CCDC148: variants seen among roughly 807,000 people sequenced by gnomAD.
CCDC148 encodes the protein coiled-coil domain containing 148, also known as coiled-coil domain-containing protein 148.
CCDC148 carries 89 observed loss-of-function variants against 85.7 expected under a neutral mutation model. The ratio of observed to expected loss-of-function variants is 1.04; its 90% CI spans 0.87 to 1.24. The LOEUF (loss-of-function observed/expected upper bound fraction) is 1.24. Ranked by LOEUF, CCDC148 falls within the 50% of genes most tolerant of loss-of-function variation. CCDC148 has a pLI of 0.00. For missense variants in CCDC148, 692 were observed against 671.7 expected, an observed-to-expected ratio of 1.03 and a Z score of -0.33; for synonymous variants, 230 against 213.9, an observed-to-expected ratio of 1.08 and a Z score of -0.66.
intron 10 of CCDC148, among the ~76,000 whole-genome samples, chr2:158,250,309 A>G (rs1483399929): frequency 6.6e-6 from 1 of 152,024 alleles, no homozygotes; most frequent in Non-Finnish European, 1.5e-5. Context: ...TCTAATAAAC[A>G]GCCAAGAAGT....
intron 9 of CCDC148, among the ~76,000 whole-genome samples, chr2:158,295,296 C>T (rs1157228848): frequency 6.6e-6 from 1 of 151,990 alleles, no homozygotes. Flanking sequence ...ACCAGAGGTA[C>T]AAGGAGGAAC....
intron 1 of CCDC148, among the ~76,000 whole-genome samples, chr2:158,388,906 GA>G (rs1408480040): frequency 6.6e-6 from 1 of 152,168 alleles, no homozygotes; most frequent in African/African-American, 2.4e-5. Flanking sequence ...AATATCATCT[GA>G]AAATATTAGT....
intron 10 of CCDC148, among the ~76,000 whole-genome samples, chr2:158,247,478 A>G (rs1180260149): frequency 1.3e-5 from 2 of 152,172 alleles, no homozygotes; most frequent in South Asian, 2.1e-4. Flanking sequence ...AGCACAGCCT[A>G]TACGAACAAA....
At chr2:158,438,683 C>CA (rs2105340130) in intron 1 of CCDC148, among the ~76,000 whole-genome samples, 1 of 152,234 alleles carries the variant, frequency 6.6e-6, no homozygotes, top group African/African-American at 2.4e-5. Flanking sequence ...TCAGAGTGAA[C>CA]AGGCAACCTA....
chr2:158,352,481 G>T (rs1005338119), intron 2 of CCDC148, among the ~76,000 whole-genome samples: 20 of 152,100 alleles, frequency 1.3e-4, no homozygotes, highest in Non-Finnish European at 2.4e-4. Flanking sequence ...TATCAGCAAC[G>T]GAAGATGAAA....
chr2:158,273,462 A>C (rs1018742093), intron 9 of CCDC148, among the ~76,000 whole-genome samples: 12 of 152,318 alleles, frequency 7.9e-5, no homozygotes, highest in Admixed American at 7.8e-4. Flanking sequence ...GGTGTAACAG[A>C]AGATACACTA....
chr2:158,222,887 T>A lies in CCDC148; in HGVS notation c.1252-2174A>T, dbSNP rs57121217. On this transcript the variant is annotated intron_variant, in intron 10 of 13. Transcript: ENST00000283233. ...CAGCTCCAGTCTACAGCTCCCAGGG[T>A]GAGCGAGGCAGAAGACGGGTGATTT... is the stretch of plus-strand genomic sequence containing the variant. Among the ~76,000 whole-genome samples the A allele has an allele frequency of 2.7e-3, 404 of 151,930 alleles. 3 individuals are homozygous for A. The highest frequency in any genetic ancestry group is 9.4e-3 in the African/African-American group (391 of 41,392).
chr2:158,424,943 C>A, intron 1 of CCDC148: 1 of 309,926 alleles, frequency 3.2e-6, no homozygotes. Flanking sequence ...CAAATTGGTT[C>A]TGGGAAGTGT....
rs180732288 is a variant in CCDC148 at position 158,205,005 on chromosome 2, T to C, written c.1370+15590A>G. Among the ~76,000 whole-genome samples the C allele has an allele frequency of 1.8e-4, 28 of 152,244 alleles. 1 individual carries two copies. Among genetic ancestry groups the C allele is most frequent in the Admixed American group, 9.8e-4 (15 of 15,286 alleles). ...TAAAGAGCTAAGCGGAGTCCAGCCA[T>C]GGGCATCCCATGGGCAACATTAAGG... On this transcript the variant is annotated intron_variant, in intron 11 of 13. Transcript: ENST00000283233.
intron 9 of CCDC148, among the ~76,000 whole-genome samples, chr2:158,291,248 C>A (rs1200697273): frequency 6.6e-6 from 1 of 152,148 alleles, no homozygotes; most frequent in Non-Finnish European, 1.5e-5. Context: ...CCACGGTCCC[C>A]AGGTCCCAGG....
chr2:158,320,867 TA>T (rs1488183536), intron 7 of CCDC148, among the ~76,000 whole-genome samples: 4 of 152,180 alleles, frequency 2.6e-5, no homozygotes, highest in Admixed American at 6.5e-5. Context: ...AGTCACTAGC[TA>T]AAACAATTAC....
At chr2:158,267,343 T>C (rs1689512252) in intron 9 of CCDC148, among the ~76,000 whole-genome samples, 1 of 152,172 alleles carries the variant, frequency 6.6e-6, no homozygotes, top group African/African-American at 2.4e-5. Flanking sequence ...CAAGCATCTC[T>C]TCCTCTGTAA....
chr2:158,179,048 G>A, intron 11 of CCDC148, 52 bp from the exon 12 acceptor site: 1 of 1,381,008 alleles, frequency 7.2e-7, no homozygotes, highest in South Asian at 1.2e-5. Context: ...TAATATTGGA[G>A]ATTGTACAGA....
In CCDC148 at chr2:158,406,671, G is replaced by A. The variant is rs556483981; in HGVS notation, c.26-48101C>T. Reference sequence around the variant, plus strand: ...AGTGTCTCCCTCCATTACCCAGGCTGGAGTACAGTGGCATGATCACAGCTC... The same window carrying A: ...AGTGTCTCCCTCCATTACCCAGGCTAGAGTACAGTGGCATGATCACAGCTC... On this transcript the variant is annotated intron_variant, in intron 1 of 13. Transcript: ENST00000283233. Among the ~76,000 whole-genome samples the A allele has an allele frequency of 2.5e-5, 3 of 119,738 alleles. No individual in the cohort carries two copies. The Admixed American group carries it at 3.0e-4, about 12-fold the overall frequency. 78.6% of individuals were successfully genotyped at this position (119,738 alleles called of 152,430 possible).
chr2:158,278,956 G>C (rs1245444046), intron 9 of CCDC148, among the ~76,000 whole-genome samples: 1 of 152,168 alleles, frequency 6.6e-6, no homozygotes, highest in Non-Finnish European at 1.5e-5. Context: ...TCACACAGCA[G>C]CATTCATGGC....
intron 9 of CCDC148, among the ~76,000 whole-genome samples, chr2:158,309,007 C>T (rs1318015794): frequency 1.3e-5 from 2 of 152,114 alleles, no homozygotes; most frequent in South Asian, 2.1e-4. Flanking sequence ...CAAGCTTGCC[C>T]CAATGTATTT....
chr2:158,193,654 T>C (rs1223128884), intron 11 of CCDC148, among the ~76,000 whole-genome samples: 1 of 152,068 alleles, frequency 6.6e-6, no homozygotes. Context: ...CTAGGTATAG[T>C]TGATGGAAAC....
At chr2:158,309,731 T>C in intron 8 of CCDC148, 92 bp from the exon 9 acceptor site, 1 of 941,808 alleles carries the variant, frequency 1.1e-6, no homozygotes, top group Non-Finnish European at 1.6e-6. Flanking sequence ...AAATGAATTA[T>C]AACCAATGAT....
intron 9 of CCDC148, among the ~76,000 whole-genome samples, chr2:158,257,614 T>C (rs571819633): frequency 6.6e-6 from 1 of 152,008 alleles, no homozygotes; most frequent in African/African-American, 2.4e-5. Context: ...CAATTATTCC[T>C]TGGTTTCTTA....
Sources: gnomAD v4.1 joint callset for allele counts (sites outside exome capture counted in the v4.1 genomes callset) on GRCh38, gnomAD v4.1.1 for gene constraint, MANE v1.5 for transcripts, NCBI Gene and HGNC (gene_info 2026-07-23, HGNC 2026-07-21) for gene names.